The following MARCHF1 variants were observed in gnomAD, a reference collection of about 807,000 sequenced individuals.
The protein encoded by MARCHF1 is membrane associated ring-CH-type finger 1.
Under a neutral mutation model 54.2 loss-of-function variants are expected in MARCHF1, and 40 were observed. That is an observed-to-expected ratio of 0.74 (90% CI 0.57 to 0.96). MARCHF1 has a LOEUF of 0.96. MARCHF1 is among the 40% of genes least tolerant of loss of function. The probability of loss-of-function intolerance (pLI) is 0.00; values close to 1 mark genes in which losing one functional copy is unlikely to be tolerated. For synonymous variants in MARCHF1, 236 were observed against 236.3 expected (o/e 1.00, Z 0.01); for missense variants, 586 against 656.5 (o/e 0.89, Z 1.17).
chr4:163,677,168 C>T (rs1241365872), intron 5 of MARCHF1, among the ~76,000 whole-genome samples: 2 of 152,124 alleles, frequency 1.3e-5, no homozygotes, highest in Non-Finnish European at 2.9e-5. Flanking sequence ...AAACTGTGAT[C>T]AAGCAGACAA....
At chr4:164,139,492 C>CAAA (rs10604087) in intron 1 of MARCHF1, among the ~76,000 whole-genome samples, 9 of 129,854 alleles carry the variant, frequency 6.9e-5, no homozygotes, top group Non-Finnish European at 1.5e-4. Context: ...TATCTAAAGT[C>CAAA]AAAAAAAAAA....
At position 164,250,571 on chromosome 4, in the gene MARCHF1, A is replaced by C. The variant is rs571217340; in HGVS notation, c.-323+133299T>G. 8.1e-4 allele frequency among the ~76,000 whole-genome samples: 124 copies of C among 152,212 alleles called. 1 individual carries two copies. Among genetic ancestry groups the C allele is most frequent in the Non-Finnish European group, 1.4e-3 (92 of 67,982 alleles). ...TTAATTAATAAAGTTAACATCACTTATATAATAAATGATGTGGCATTTTAA... is the reference window on the plus strand; with the variant it reads ...TTAATTAATAAAGTTAACATCACTTCTATAATAAATGATGTGGCATTTTAA... On this transcript the variant is annotated intron_variant, in intron 1 of 9. Coordinates refer to ENST00000514618, the MANE Select transcript of MARCHF1 (RefSeq NM_001394959.1).
chr4:163,936,264 G>T (rs987851931), intron 3 of MARCHF1, among the ~76,000 whole-genome samples: 4 of 152,082 alleles, frequency 2.6e-5, no homozygotes, highest in African/African-American at 9.7e-5. Context: ...ATATTGTGAG[G>T]ATTACCAAAA....
chr4:164,380,454 G>A (rs1477685016), intron 1 of MARCHF1, among the ~76,000 whole-genome samples: 4 of 152,094 alleles, frequency 2.6e-5, no homozygotes, highest in South Asian at 4.1e-4. Context: ...TACAGACTCC[G>A]ACCCTTGTCC....
chr4:164,323,003 G>T (rs1463282174), intron 1 of MARCHF1, among the ~76,000 whole-genome samples: 2 of 151,850 alleles, frequency 1.3e-5, no homozygotes, highest in Non-Finnish European at 2.9e-5. Context: ...GGCTGTCAAA[G>T]ATACATAGAA....
At chr4:164,315,817 A>G (rs1422979399) in intron 1 of MARCHF1, among the ~76,000 whole-genome samples, 1 of 152,182 alleles carries the variant, frequency 6.6e-6, no homozygotes, top group African/African-American at 2.4e-5. Context: ...TTAATCATAG[A>G]CGCTTTTAAA....
chr4:164,107,428 C>T (rs1229542763), intron 2 of MARCHF1, among the ~76,000 whole-genome samples: 1 of 152,074 alleles, frequency 6.6e-6, no homozygotes, highest in Non-Finnish European at 1.5e-5. Context: ...TGGTGTAATC[C>T]TGTCTCACTG....
At chr4:163,703,141 T>G (rs1299354596) in intron 4 of MARCHF1, among the ~76,000 whole-genome samples, 2 of 152,180 alleles carry the variant, frequency 1.3e-5, no homozygotes, top group African/African-American at 4.8e-5. Flanking sequence ...TGTGAAGTTA[T>G]GATATTTCCA....
At chr4:164,258,477 G>A (rs1301363309) in intron 1 of MARCHF1, among the ~76,000 whole-genome samples, 1 of 151,482 alleles carries the variant, frequency 6.6e-6, no homozygotes, top group Non-Finnish European at 1.5e-5. Flanking sequence ...TTTAATTATG[G>A]GTGTGGCACC....
rs141030578 is a variant in MARCHF1 at position 164,259,544 on chromosome 4, C to CAA, written c.-323+124324_-323+124325dup. On this transcript the variant is annotated intron_variant, in intron 1 of 9. Transcript: ENST00000514618. ...TGGGCAACAAAGTGGGACCGTGTCT[C>CAA]AAAAAAAAAAAAAAAAAAAAAGAAA... Among the ~76,000 whole-genome samples, 231 of 58,752 alleles carry CAA rather than the reference C, an allele frequency of 3.9e-3. 4 individuals are homozygous for CAA. Among genetic ancestry groups the CAA allele is most frequent in the South Asian group, 6.4e-3 (7 of 1,102 alleles). 38.5% of individuals were successfully genotyped at this position (58,752 alleles called of 152,430 possible).
chr4:164,371,336 T>C, intron 1 of MARCHF1, among the ~76,000 whole-genome samples: 1 of 152,162 alleles, frequency 6.6e-6, no homozygotes, highest in Non-Finnish European at 1.5e-5. Context: ...TTACAATCTC[T>C]AAGTAAGAAA....
chr4:163,631,064 T>C (rs1420361651), intron 5 of MARCHF1, among the ~76,000 whole-genome samples: 1 of 152,204 alleles, frequency 6.6e-6, no homozygotes, highest in African/African-American at 2.4e-5. Flanking sequence ...GAATATCAAA[T>C]TATTTAACTT....
chr4:163,989,495 C>T (rs1310106496), intron 2 of MARCHF1, among the ~76,000 whole-genome samples: 2 of 151,968 alleles, frequency 1.3e-5, no homozygotes, highest in East Asian at 1.9e-4. Context: ...CTGTGCTCCC[C>T]GAAATATATG....
chr4:164,160,040 CA>C (rs1306607558), intron 1 of MARCHF1, among the ~76,000 whole-genome samples: 2 of 144,356 alleles, frequency 1.4e-5, no homozygotes, highest in African/African-American at 5.7e-5. Flanking sequence ...GTACTTCAGA[CA>C]GACTCTATTT....
Position 163,545,641 on chromosome 4 carries a change from A to C in MARCHF1, c.1294T>G (p.Leu432Val). 1 of 1,614,072 alleles carries C rather than the reference A, an allele frequency of 6.2e-7. No homozygotes were observed. Residue 432 changes from leucine (L) to valine (V), a missense_variant, in exon 9 of 10, where the codon TTG becomes GTG. Physicochemically the swap from Leu to Val is conservative, Grantham distance 32. This residue lies in a region of MARCHF1 where 93 missense variants were observed against 168.2 expected (regional missense o/e 0.55). Coordinates refer to ENST00000514618, the MANE Select transcript of MARCHF1 (RefSeq NM_001394959.1). ...ITCVVWSLYVLIDRTAEEIKQ... is the reference protein window; with the variant it reads ...ITCVVWSLYVVIDRTAEEIKQ... ...ATTTCCTCCGCTGTCCGGTCTATCA[A>C]TACATACAAAGACCAAACCACACAG...
chr4:163,746,482 T>A (rs1048455475), intron 4 of MARCHF1, among the ~76,000 whole-genome samples: 2 of 152,022 alleles, frequency 1.3e-5, no homozygotes, highest in South Asian at 4.1e-4. Flanking sequence ...TGTGCAGGGT[T>A]TTTTTTTGTG....
chr4:164,114,908 T>G lies in MARCHF1; in HGVS notation c.-322-3246A>C, dbSNP rs575255265. On this transcript the variant is annotated intron_variant, in intron 1 of 9. Transcript: ENST00000514618. ...CACATGAAATTATCTCCCACTTCCA[T>G]GTCAATGACTACTGACCTTCAAGAA... 2.3e-3 allele frequency among the ~76,000 whole-genome samples: 355 copies of G among 151,906 alleles called. 2 individuals are homozygous for G. Among genetic ancestry groups the G allele is most frequent in the African/African-American group, 8.1e-3 (338 of 41,494 alleles).
At chr4:163,645,670 G>A (rs1415633959) in intron 5 of MARCHF1, among the ~76,000 whole-genome samples, 1 of 152,160 alleles carries the variant, frequency 6.6e-6, no homozygotes. Context: ...AAGATATAAA[G>A]CTGAAGAATA....
intron 5 of MARCHF1, among the ~76,000 whole-genome samples, chr4:163,656,957 T>C (rs1743167248): frequency 6.6e-6 from 1 of 152,076 alleles, no homozygotes; most frequent in Non-Finnish European, 1.5e-5. Flanking sequence ...TCATACTGAA[T>C]AGGCAAATGC....
Sources: allele counts gnomAD v4.1 joint callset (sites outside exome capture counted in the v4.1 genomes callset), GRCh38; gene constraint gnomAD v4.1.1; regional missense constraint gnomAD v4.1.1; transcripts MANE v1.5; gene names NCBI Gene and HGNC (gene_info 2026-07-23, HGNC 2026-07-21).